The following OTOGL variants were observed in gnomAD, a reference collection of about 807,000 sequenced individuals.
OTOGL encodes the protein otogelin-like protein.
OTOGL carries 285 observed loss-of-function variants against 318.5 expected under a neutral mutation model. The ratio of observed to expected loss-of-function variants is 0.89; its 90% CI spans 0.81 to 0.99. The LOEUF (loss-of-function observed/expected upper bound fraction) is 0.99, where lower values mean the gene tolerates loss of function less well. OTOGL is among the 50% of genes least tolerant of loss of function. OTOGL has a pLI of 0.00. For synonymous variants in OTOGL, 987 were observed against 936.5 expected, an observed-to-expected ratio of 1.05 and a Z score of -0.99; for missense variants, 2,899 against 2,845.6, an observed-to-expected ratio of 1.02 and a Z score of -0.43.
At position 80,368,156 on chromosome 12, in the gene OTOGL, C is replaced by G. The variant is rs765556894; in HGVS notation, c.6511-49C>G. The G allele has an allele frequency of 2.4e-5, 32 of 1,312,514 alleles. No homozygotes were observed. In the Admixed American group the frequency reaches 6.6e-4, roughly 27 times the overall value. 81.3% of individuals were successfully genotyped at this position (1,312,514 alleles called of 1,614,324 possible). ...AAGAAATAACTCTCCAGAAGTAATT[C>G]ATTAAAAATATTGATATGGTGTCGC... On this transcript the variant is annotated intron_variant, in intron 54 of 58. Coordinates refer to ENST00000547103, the MANE Select transcript of OTOGL (RefSeq NM_001378609.3).
At chr12:80,265,331 T>C (rs1276724955) in intron 20 of OTOGL, 121 bp downstream of exon 20, 1 of 1,000,224 alleles carries the variant, frequency 1.0e-6, no homozygotes, top group African/African-American at 1.6e-5. Flanking sequence ...TTTGAAATAT[T>C]CTCATAATGT....
At chr12:80,326,821 A>G (rs940396917) in intron 35 of OTOGL, among the ~76,000 whole-genome samples, 1 of 152,224 alleles carries the variant, frequency 6.6e-6, no homozygotes, top group Non-Finnish European at 1.5e-5. Context: ...TTAAGACAGA[A>G]GTTAACTTTT....
chr12:80,214,930 C>T (rs1483220437), intron 4 of OTOGL, among the ~76,000 whole-genome samples: 2 of 152,172 alleles, frequency 1.3e-5, no homozygotes, highest in Non-Finnish European at 2.9e-5. Flanking sequence ...CTGCATGTCA[C>T]ACCTTAGCCT....
chr12:80,227,618 T>C (rs1192195239), intron 7 of OTOGL, among the ~76,000 whole-genome samples: 1 of 152,186 alleles, frequency 6.6e-6, no homozygotes, highest in African/African-American at 2.4e-5. Context: ...TTAGGATCTA[T>C]ATGTCTTTTT....
At chr12:80,100,852 C>CT (rs796811356) in intron 1 of OTOGL, among the ~76,000 whole-genome samples, 61 of 151,496 alleles carry the variant, frequency 4.0e-4, no homozygotes, top group African/African-American at 6.8e-4. Flanking sequence ...TCAACTTTCA[C>CT]TTTTTTTTTC....
chr12:80,244,687 T>C (rs1363337202), intron 11 of OTOGL, among the ~76,000 whole-genome samples: 2 of 149,488 alleles, frequency 1.3e-5, no homozygotes, highest in Non-Finnish European at 2.9e-5. Context: ...TACCCAGTAA[T>C]GGGATGGCTG....
chr12:80,206,710 A>G (rs1299329412), intron 1 of OTOGL, among the ~76,000 whole-genome samples: 2 of 149,864 alleles, frequency 1.3e-5, no homozygotes, highest in Non-Finnish European at 3.0e-5. Flanking sequence ...TTGTAGAGGC[A>G]GAGTTTCATC....
intron 1 of OTOGL, among the ~76,000 whole-genome samples, chr12:80,194,075 A>C (rs1406988377): frequency 6.6e-6 from 1 of 152,120 alleles, no homozygotes; most frequent in African/African-American, 2.4e-5. Context: ...ATACTCCTCC[A>C]AGTGTATGGA....
chr12:80,264,139 T>A (rs530675687), intron 19 of OTOGL, among the ~76,000 whole-genome samples: 6 of 152,158 alleles, frequency 3.9e-5, no homozygotes, highest in Admixed American at 1.3e-4. Context: ...AATGAAAAGA[T>A]TGATTAATTT....
rs190408198 is a variant in OTOGL at position 80,320,253 on chromosome 12, T to C, written c.3803-169T>C. Among the ~76,000 whole-genome samples the C allele has an allele frequency of 4.8e-3, 725 of 152,272 alleles. 1 individual carries two copies. The highest frequency in any genetic ancestry group is 0.01 in the Middle Eastern group (3 of 294). On this transcript the variant is annotated intron_variant, in intron 33 of 58. Coordinates refer to ENST00000547103, the MANE Select transcript of OTOGL (RefSeq NM_001378609.3). ...CTGAATTTAAAGTACTACTTTTTTT[T>C]TTCTTCTTTCAAGCATCTCCTAGTT... is the stretch of plus-strand genomic sequence containing the variant.
intron 1 of OTOGL, chr12:80,103,350 T>C: frequency 7.9e-7 from 1 of 1,261,214 alleles, no homozygotes; most frequent in South Asian, 1.2e-5. Context: ...CGCTCCCGCT[T>C]CGGTGATCGA....
At chr12:80,159,197 G>A (rs893244563) in intron 1 of OTOGL, among the ~76,000 whole-genome samples, 1 of 151,986 alleles carries the variant, frequency 6.6e-6, no homozygotes, top group African/African-American at 2.4e-5. Context: ...TGATCATGGT[G>A]GATTATCTTT....
At chr12:80,324,889 G>A (rs1887579620) in intron 35 of OTOGL, among the ~76,000 whole-genome samples, 1 of 152,154 alleles carries the variant, frequency 6.6e-6, no homozygotes, top group Non-Finnish European at 1.5e-5. Flanking sequence ...AATGAGATAA[G>A]GAAGATGTTA....
chr12:80,210,782 A>G lies in OTOGL; in HGVS notation c.80-65A>G, dbSNP rs1009349624. Reference sequence around the variant, plus strand: ...TTAGGTTAAAATGTTCTTTTAAACAACTGGAACATGTAGCCAATATATTTG... The same window carrying G: ...TTAGGTTAAAATGTTCTTTTAAACAGCTGGAACATGTAGCCAATATATTTG... On this transcript the variant is annotated intron_variant, in intron 2 of 58. Coordinates refer to ENST00000547103, the MANE Select transcript of OTOGL (RefSeq NM_001378609.3). 4.4e-6 allele frequency: 5 copies of G among 1,134,494 alleles called. No individual in the cohort carries two copies. In the African/African-American group the frequency reaches 8.2e-5, roughly 18 times the overall value. The allele number at this position is 1,134,494 out of a possible 1,614,324, so 70.3% of individuals were successfully genotyped here.
At chr12:80,219,989 T>C in intron 6 of OTOGL, 77 bp downstream of exon 6, 2 of 1,054,216 alleles carry the variant, frequency 1.9e-6, no homozygotes, top group East Asian at 5.1e-5. Context: ...TATAATAATG[T>C]TCATCCATTG....
intron 52 of OTOGL, among the ~76,000 whole-genome samples, chr12:80,360,179 G>C (rs953897271): frequency 6.6e-6 from 1 of 152,182 alleles, no homozygotes; most frequent in Non-Finnish European, 1.5e-5. Flanking sequence ...TAAATGCTTA[G>C]TGTCTGACAT....
chr12:80,283,097 C>A (rs890138417), intron 26 of OTOGL, among the ~76,000 whole-genome samples: 1 of 151,978 alleles, frequency 6.6e-6, no homozygotes, highest in African/African-American at 2.4e-5. Context: ...AAAATCTTAG[C>A]TACAGCTACA....
At chr12:80,313,349 A>T in intron 30 of OTOGL, 127 bp from the exon 31 acceptor site, 1 of 796,954 alleles carries the variant, frequency 1.3e-6, no homozygotes, top group Non-Finnish European at 2.0e-6. Flanking sequence ...AAATAAAGAG[A>T]ACTCTCTAGG....
At chr12:80,142,624 C>T (rs933859503) in intron 1 of OTOGL, among the ~76,000 whole-genome samples, 19 of 152,160 alleles carry the variant, frequency 1.2e-4, no homozygotes, top group African/African-American at 4.3e-4. Context: ...GTCTGTCCCT[C>T]ACTGCTTGCA....
Sources: gnomAD v4.1 joint callset for allele counts (sites outside exome capture counted in the v4.1 genomes callset) on GRCh38, gnomAD v4.1.1 for gene constraint, MANE v1.5 for transcripts, NCBI Gene and HGNC (gene_info 2026-07-23, HGNC 2026-07-21) for gene names.